DGKG: variants seen among roughly 807,000 people sequenced by gnomAD.
DGKG encodes DAG kinase gamma.
In DGKG, 78 loss-of-function variants were observed where a neutral mutation model predicts 105.3. The observed-to-expected ratio is 0.74, with a 90% confidence interval of 0.62 to 0.89. The LOEUF is 0.89. Ranked by LOEUF, DGKG falls within the 40% of genes least tolerant of loss-of-function variation. DGKG has a pLI of 0.00. For missense variants in DGKG, 958 were observed against 1,020.1 expected, an observed-to-expected ratio of 0.94 and a Z score of 0.83; for synonymous variants, 346 against 367.1, an observed-to-expected ratio of 0.94 and a Z score of 0.66.
chr3:186,305,147 A>G (rs1724166706), intron 3 of DGKG, among the ~76,000 whole-genome samples: 1 of 152,232 alleles, frequency 6.6e-6, no homozygotes, highest in Non-Finnish European at 1.5e-5. Context: ...CAATTAATTA[A>G]GTAAATTATA....
At chr3:186,152,155 G>A (rs994527553) in intron 24 of DGKG, among the ~76,000 whole-genome samples, 20 of 152,272 alleles carry the variant, frequency 1.3e-4, no homozygotes, top group African/African-American at 4.6e-4. Context: ...TGGACAATTA[G>A]CATAACCTGG....
At chr3:186,297,087 C>CACACACACACAA (rs1723618134) in intron 5 of DGKG, among the ~76,000 whole-genome samples, 8 of 141,846 alleles carry the variant, frequency 5.6e-5, no homozygotes, top group African/African-American at 2.1e-4. Context: ...CACACACACA[C>CACACACACACAA]ACACACACAC....
At chr3:186,289,353 G>A (rs566322690) in intron 5 of DGKG, among the ~76,000 whole-genome samples, 12 of 152,224 alleles carry the variant, frequency 7.9e-5, no homozygotes, top group East Asian at 5.8e-4. Context: ...AGAGAAAACC[G>A]GGATTGATAA....
chr3:186,340,830 C>T (rs1474451389), intron 1 of DGKG, among the ~76,000 whole-genome samples: 1 of 152,300 alleles, frequency 6.6e-6, no homozygotes, highest in East Asian at 1.9e-4. Flanking sequence ...GACATCAATT[C>T]GCCAAGTTTT....
intron 2 of DGKG, among the ~76,000 whole-genome samples, chr3:186,317,090 C>A (rs1724853097): frequency 2.0e-5 from 3 of 152,264 alleles, no homozygotes; most frequent in Admixed American, 2.0e-4. Flanking sequence ...AACCCCAACA[C>A]AACCCTCTTC....
chr3:186,316,620 A>G (rs1724830855), intron 2 of DGKG, among the ~76,000 whole-genome samples: 1 of 152,190 alleles, frequency 6.6e-6, no homozygotes, highest in Non-Finnish European at 1.5e-5. Context: ...GTGTATATGT[A>G]TGTACGTTTA....
chr3:186,194,121 G>C (rs913776447), intron 21 of DGKG, among the ~76,000 whole-genome samples: 3 of 152,252 alleles, frequency 2.0e-5, no homozygotes, highest in Non-Finnish European at 2.9e-5. Flanking sequence ...CCCTTGGGAA[G>C]ACAATCCCCC....
chr3:186,295,174 G>T (rs1197193300), intron 5 of DGKG, among the ~76,000 whole-genome samples: 4 of 152,130 alleles, frequency 2.6e-5, no homozygotes, highest in Non-Finnish European at 5.9e-5. Context: ...TTCTCCTTCA[G>T]CTGTAGTACC....
chr3:186,261,004 G>T (rs1005440692), intron 15 of DGKG, among the ~76,000 whole-genome samples: 1 of 152,164 alleles, frequency 6.6e-6, no homozygotes, highest in Non-Finnish European at 1.5e-5. Flanking sequence ...GAGGGAGGGC[G>T]CTGAGAGGCC....
intron 8 of DGKG, 24 bp downstream of exon 8, chr3:186,280,646 C>T (rs1722788629): frequency 1.2e-6 from 2 of 1,600,694 alleles, no homozygotes; most frequent in Non-Finnish European, 1.7e-6. Context: ...ACTCCAAAGC[C>T]ACCCCATCCT....
At chr3:186,350,107 C>T (rs1726556355) in intron 1 of DGKG, among the ~76,000 whole-genome samples, 2 of 152,088 alleles carry the variant, frequency 1.3e-5, no homozygotes, top group African/African-American at 2.4e-5. Context: ...CCAGGCTGGT[C>T]TCGAACTCCT....
chr3:186,315,613 C>T (rs3819847), intron 2 of DGKG, among the ~76,000 whole-genome samples: 87,691 of 151,444 alleles, frequency 0.58, 26,001 homozygotes, highest in Middle Eastern at 0.67. Context: ...TGAATACAGC[C>T]TAAGATTGCA....
intron 24 of DGKG, chr3:186,158,139 G>T: frequency 1.5e-6 from 1 of 669,386 alleles, no homozygotes. Context: ...CATATTTTAA[G>T]AACTAGTTCT....
chr3:186,176,311 T>C (rs75851482), intron 22 of DGKG, among the ~76,000 whole-genome samples: 1,694 of 152,284 alleles, frequency 0.011, 37 homozygotes, highest in African/African-American at 0.039. Context: ...TCAATCCTGA[T>C]TCTCAGGCGT....
At chr3:186,186,914 A>G (rs1717665322) in intron 22 of DGKG, among the ~76,000 whole-genome samples, 1 of 152,222 alleles carries the variant, frequency 6.6e-6, no homozygotes, top group Non-Finnish European at 1.5e-5. Flanking sequence ...TTAAAAGTGG[A>G]AGGCCCAGCT....
chr3:186,184,525 T>C (rs1334915422), intron 22 of DGKG, among the ~76,000 whole-genome samples: 1 of 150,434 alleles, frequency 6.6e-6, no homozygotes. Flanking sequence ...TCAGCCTCCC[T>C]TGTAGCTGGG....
intron 21 of DGKG, among the ~76,000 whole-genome samples, chr3:186,193,281 C>G (rs1315447372): frequency 3.3e-5 from 5 of 152,184 alleles, no homozygotes; most frequent in Non-Finnish European, 4.4e-5. Context: ...CACTTGCCAG[C>G]GGTGTGATTC....
At chr3:186,344,475 C>G (rs1402962261) in intron 1 of DGKG, among the ~76,000 whole-genome samples, 1 of 152,108 alleles carries the variant, frequency 6.6e-6, no homozygotes, top group African/African-American at 2.4e-5. Flanking sequence ...AGCAAAGTAA[C>G]GCAGGAACAG....
At chr3:186,276,296 A>T (rs1722586593) in intron 9 of DGKG, among the ~76,000 whole-genome samples, 1 of 152,226 alleles carries the variant, frequency 6.6e-6, no homozygotes, top group Non-Finnish European at 1.5e-5. Context: ...TACAATGTTA[A>T]GCGAAAAAAC....
Sources: allele counts gnomAD v4.1 joint callset (sites outside exome capture counted in the v4.1 genomes callset), GRCh38; gene constraint gnomAD v4.1.1; transcripts MANE v1.5; gene names NCBI Gene and HGNC (gene_info 2026-07-23, HGNC 2026-07-21).